The following CNN3 variants were observed in gnomAD, a reference collection of about 807,000 sequenced individuals.
CNN3 encodes the protein calponin 3, also known as calponin-3.
CNN3 carries 11 observed loss-of-function variants against 39.0 expected under a neutral mutation model. The observed-to-expected ratio is 0.28, with a 90% CI of 0.18 to 0.47. CNN3 has a LOEUF of 0.47. Ranked by LOEUF, CNN3 falls within the 20% of genes least tolerant of loss-of-function variation. CNN3 has a pLI of 0.99. For synonymous variants in CNN3, 101 were observed against 138.3 expected (o/e 0.73, Z 1.89); for missense variants, 266 against 403.4 (o/e 0.66, Z 2.92).
At chr1:94,905,282 G>A (rs1670966407) in intron 1 of CNN3, among the ~76,000 whole-genome samples, 1 of 152,166 alleles carries the variant, frequency 6.6e-6, no homozygotes, top group South Asian at 2.1e-4. Context: ...AGCCACAACA[G>A]CCTTTTAACT....
Position 94,912,143 on chromosome 1 carries a change from A to G in CNN3, c.58-8619T>C, listed in dbSNP as rs1331281955. Among the ~76,000 whole-genome samples, 19 of 152,324 alleles carry G rather than the reference A, an allele frequency of 1.2e-4. 1 individual carries two copies. Among genetic ancestry groups the G allele is most frequent in the African/African-American group, 4.3e-4 (18 of 41,578 alleles). ...AAGCAAAGAGTATAACAAACGGTAG[A>G]AAGATGCAGAGCTAACAGAATGTCA... On this transcript the variant is annotated intron_variant, in intron 1 of 6. Coordinates refer to ENST00000370206, the MANE Select transcript of CNN3 (RefSeq NM_001839.5).
intron 3 of CNN3, 123 bp from the exon 4 acceptor site, chr1:94,902,381 A>T: frequency 4.0e-6 from 3 of 751,264 alleles, no homozygotes; most frequent in Non-Finnish European, 6.4e-6. Flanking sequence ...ACAAGGATTC[A>T]ACCAAATACA....
At chr1:94,910,928 A>C (rs1671144852) in intron 1 of CNN3, among the ~76,000 whole-genome samples, 1 of 152,150 alleles carries the variant, frequency 6.6e-6, no homozygotes, top group African/African-American at 2.4e-5. Context: ...GCCAGCCTTC[A>C]CCACTGTCCA....
At chr1:94,923,701 C>T (rs1253592823) in intron 1 of CNN3, among the ~76,000 whole-genome samples, 1 of 152,102 alleles carries the variant, frequency 6.6e-6, no homozygotes, top group Non-Finnish European at 1.5e-5. Context: ...TATTATATAA[C>T]AAGACCAAAA....
chr1:94,909,563 T>C (rs1252578093), intron 1 of CNN3, among the ~76,000 whole-genome samples: 1 of 152,150 alleles, frequency 6.6e-6, no homozygotes, highest in Non-Finnish European at 1.5e-5. Context: ...CTATTAATCA[T>C]ATATCCAAGA....
At chr1:94,904,694 C>T (rs1670951823) in intron 1 of CNN3, among the ~76,000 whole-genome samples, 1 of 152,100 alleles carries the variant, frequency 6.6e-6, no homozygotes, top group Non-Finnish European at 1.5e-5. Flanking sequence ...CTACAGTGAG[C>T]CATGATCACA....
intron 3 of CNN3, 138 bp from the exon 4 acceptor site, chr1:94,902,396 A>C: frequency 1.5e-6 from 1 of 667,392 alleles, no homozygotes; most frequent in Non-Finnish European, 2.5e-6. Flanking sequence ...AATACATACT[A>C]AGCATGGCTC....
At chr1:94,919,485 A>G (rs1671385328) in intron 1 of CNN3, among the ~76,000 whole-genome samples, 1 of 152,190 alleles carries the variant, frequency 6.6e-6, no homozygotes. Context: ...TTTCTCTCCT[A>G]TTTCCTCCCA....
chr1:94,926,482 G>A lies in CNN3; in HGVS notation c.57+356C>T, dbSNP rs1671585898. Among the ~76,000 whole-genome samples the A allele has an allele frequency of 6.6e-6, 1 of 152,170 alleles. No homozygotes were observed. Among genetic ancestry groups the A allele is most frequent in the African/African-American group, 2.4e-5 (1 of 41,462 alleles). ...GACGGGCTCCGCCTAAGGGCGAGTG[G>A]CCACGCAGGAGCGCCCCCTTCCCGG... On this transcript the variant is annotated intron_variant, in intron 1 of 6. Transcript: ENST00000370206. This position sits in a 1 kb window ranked among gnomAD's most constrained non-coding sequence, Gnocchi z 4.2.
At chr1:94,922,653 C>G (rs753458169) in intron 1 of CNN3, among the ~76,000 whole-genome samples, 1 of 152,210 alleles carries the variant, frequency 6.6e-6, no homozygotes, top group Non-Finnish European at 1.5e-5. Context: ...AGGCAAACCA[C>G]CCTCGAGTGT....
chr1:94,901,894 G>A (rs1670877879), intron 4 of CNN3, 109 bp from the exon 5 acceptor site: 1 of 785,264 alleles, frequency 1.3e-6, no homozygotes. Flanking sequence ...GAGATAAAAA[G>A]TATTTAAGGC....
intron 1 of CNN3, chr1:94,925,674 C>T (rs1404830210): frequency 2.0e-5 from 20 of 985,340 alleles, no homozygotes; most frequent in Non-Finnish European, 2.2e-5. Flanking sequence ...CCCCGCAGCC[C>T]CGGGATGTTC....
intron 1 of CNN3, among the ~76,000 whole-genome samples, chr1:94,906,929 G>A (rs947603174): frequency 3.9e-5 from 6 of 152,188 alleles, no homozygotes; most frequent in Admixed American, 3.9e-4. Flanking sequence ...AGTGACTACA[G>A]ACCTAACTTG....
intron 1 of CNN3, among the ~76,000 whole-genome samples, chr1:94,922,364 G>A (rs1175406915): frequency 2.0e-5 from 3 of 152,146 alleles, no homozygotes; most frequent in Non-Finnish European, 4.4e-5. Flanking sequence ...TATGTCTAGA[G>A]ATAGCAAAAT....
At chr1:94,918,338 C>A (rs886145863) in intron 1 of CNN3, among the ~76,000 whole-genome samples, 1 of 151,566 alleles carries the variant, frequency 6.6e-6, no homozygotes, top group East Asian at 1.9e-4. Context: ...ACTAAAAATA[C>A]AAAAAATTAG....
In CNN3 at chr1:94,903,202, T is replaced by C; in HGVS notation, c.180-14A>G. ...TTGTTTATAAGTCTGAAAAGAAAAA[T>C]ATGAGAGACATCTTATTTACTGGCA... On this transcript the variant is annotated splice_polypyrimidine_tract_variant and intron_variant, in intron 2 of 6. Coordinates refer to ENST00000370206, the MANE Select transcript of CNN3 (RefSeq NM_001839.5). 1 of 1,608,742 alleles carries C rather than the reference T, an allele frequency of 6.2e-7. No individual in the cohort carries two copies.
chr1:94,902,300 T>A (rs1300105857), intron 3 of CNN3, 42 bp from the exon 4 acceptor site: 1 of 1,542,640 alleles, frequency 6.5e-7, no homozygotes, highest in Non-Finnish European at 8.9e-7. Context: ...AGCTAAATAT[T>A]GACATTCATA....
At chr1:94,900,646 T>C (rs1454075159) in intron 5 of CNN3, among the ~76,000 whole-genome samples, 2 of 152,134 alleles carry the variant, frequency 1.3e-5, no homozygotes, top group Admixed American at 6.6e-5. Flanking sequence ...CTAACTTGCA[T>C]AGACTCAGTA....
chr1:94,922,512 G>A (rs564422122), intron 1 of CNN3, among the ~76,000 whole-genome samples: 1 of 152,320 alleles, frequency 6.6e-6, no homozygotes, highest in South Asian at 2.1e-4. Context: ...CTGGTGGGAA[G>A]AGACAGATAA....
Sources: allele counts gnomAD v4.1 joint callset (sites outside exome capture counted in the v4.1 genomes callset), GRCh38; gene constraint gnomAD v4.1.1; non-coding constraint Gnocchi (gnomAD v3.1); transcripts MANE v1.5; gene names NCBI Gene and HGNC (gene_info 2026-07-23, HGNC 2026-07-21).